VPS41: variants seen among roughly 807,000 people sequenced by gnomAD.
VPS41 encodes VPS41 subunit of HOPS complex, also known as vacuolar protein sorting-associated protein 41 homolog.
Under a neutral mutation model 130.9 loss-of-function variants are expected in VPS41, and 85 were observed. That is an observed-to-expected ratio of 0.65 (90% confidence interval 0.55 to 0.78). VPS41 has a LOEUF of 0.78. VPS41 is among the 30% of genes least tolerant of loss of function. The pLI, the probability that VPS41 is intolerant of heterozygous loss-of-function variation, is 0.00. For missense variants in VPS41, 874 were observed against 1,018.7 expected (o/e 0.86, Z 1.93); for synonymous variants, 335 against 332.9 (o/e 1.01, Z -0.07).
chr7:38,881,091 TTAG>T (rs1208793951), intron 2 of VPS41, among the ~76,000 whole-genome samples: 2 of 152,168 alleles, frequency 1.3e-5, no homozygotes, highest in African/African-American at 4.8e-5. Flanking sequence ...TGTGACAAAC[TTAG>T]TAGTATGAAG....
chr7:38,898,820 A>G (rs1340102548), intron 1 of VPS41, among the ~76,000 whole-genome samples: 1 of 152,248 alleles, frequency 6.6e-6, no homozygotes, highest in Non-Finnish European at 1.5e-5. Context: ...GATGCCATGC[A>G]TCCTCAAAGA....
intron 4 of VPS41, among the ~76,000 whole-genome samples, chr7:38,855,083 C>T (rs1269247804): frequency 2.0e-5 from 3 of 151,836 alleles, no homozygotes; most frequent in Non-Finnish European, 4.4e-5. Context: ...GTGGCACATG[C>T]CTGTAGTCCC....
chr7:38,780,707 C>T (rs1784340587), intron 10 of VPS41, among the ~76,000 whole-genome samples: 2 of 152,144 alleles, frequency 1.3e-5, no homozygotes, highest in South Asian at 2.1e-4. Flanking sequence ...CCAGTAGCCA[C>T]GTGCTATAGC....
At chr7:38,745,676 A>G in intron 22 of VPS41, 63 bp from the exon 23 acceptor site, 1 of 1,276,740 alleles carries the variant, frequency 7.8e-7, no homozygotes, top group South Asian at 1.3e-5. Context: ...ACAGTAATAA[A>G]GTCATTTAAA....
At chr7:38,743,259 T>C (rs1795919784) in intron 24 of VPS41, 143 bp downstream of exon 24, 3 of 873,634 alleles carry the variant, frequency 3.4e-6, no homozygotes, top group South Asian at 1.8e-5. Context: ...TTGGAAATCA[T>C]TACAACACAC....
chr7:38,798,197 C>A (rs1447178404), intron 7 of VPS41, among the ~76,000 whole-genome samples: 1 of 152,142 alleles, frequency 6.6e-6, no homozygotes, highest in African/African-American at 2.4e-5. Context: ...AGAACAGACC[C>A]CAGAAATGTA....
chr7:38,898,055 G>A, intron 2 of VPS41, 36 bp downstream of exon 2: 1 of 1,602,674 alleles, frequency 6.2e-7, no homozygotes, highest in Non-Finnish European at 8.5e-7. Context: ...AACGTGGTGA[G>A]CTACAAATCC....
At chr7:38,906,353 G>GT (rs1318757434) in intron 1 of VPS41, among the ~76,000 whole-genome samples, 1,630 of 147,676 alleles carry the variant, frequency 0.011, 6 homozygotes, top group Non-Finnish European at 0.015. Flanking sequence ...TTTGTTTTTC[G>GT]TTTTTTTTTT....
intron 4 of VPS41, among the ~76,000 whole-genome samples, chr7:38,855,134 T>C (rs778846380): frequency 7.3e-6 from 1 of 136,332 alleles, no homozygotes; most frequent in Non-Finnish European, 1.5e-5. Context: ...CACTTGAACC[T>C]GGGCGGCGGA....
intron 7 of VPS41, among the ~76,000 whole-genome samples, chr7:38,807,191 C>T (rs1171337880): frequency 1.3e-5 from 2 of 152,170 alleles, no homozygotes; most frequent in African/African-American, 4.8e-5. Context: ...ATGCCTTAAA[C>T]CTCCCCAAAA....
chr7:38,767,457 C>A, intron 15 of VPS41, 80 bp downstream of exon 15: 1 of 914,792 alleles, frequency 1.1e-6, no homozygotes, highest in South Asian at 1.9e-5. Context: ...ATGTCAACTG[C>A]AAAGAATGGC....
intron 2 of VPS41, among the ~76,000 whole-genome samples, chr7:38,873,740 A>AT (rs1786426034): frequency 6.6e-6 from 1 of 152,178 alleles, no homozygotes; most frequent in South Asian, 2.1e-4. Flanking sequence ...ACTCACATAG[A>AT]TTTTTACTAA....
At chr7:38,743,918 C>G (rs887184610) in intron 23 of VPS41, among the ~76,000 whole-genome samples, 2 of 152,222 alleles carry the variant, frequency 1.3e-5, no homozygotes, top group Non-Finnish European at 2.9e-5. Context: ...CTGTCATACT[C>G]TGACTTACTT....
chr7:38,772,710 T>C (rs975495867), intron 12 of VPS41, 73 bp from the exon 13 acceptor site: 5 of 1,023,360 alleles, frequency 4.9e-6, no homozygotes, highest in Non-Finnish European at 7.5e-6. Context: ...TCAGAGGACC[T>C]GGTTAGGTTA....
At chr7:38,885,509 G>A (rs1208881328) in intron 2 of VPS41, among the ~76,000 whole-genome samples, 1 of 152,078 alleles carries the variant, frequency 6.6e-6, no homozygotes, top group African/African-American at 2.4e-5. Flanking sequence ...ATTCTACTCA[G>A]AAATAAATGT....
chr7:38,889,560 A>T (rs1261587630), intron 2 of VPS41, among the ~76,000 whole-genome samples: 5 of 75,400 alleles, frequency 6.6e-5, no homozygotes, highest in Non-Finnish European at 1.9e-4. Flanking sequence ...AAAACAAAAC[A>T]AAAAAAAAAA....
intron 6 of VPS41, among the ~76,000 whole-genome samples, chr7:38,819,199 T>C (rs540907848): frequency 6.6e-6 from 1 of 152,210 alleles, no homozygotes; most frequent in Non-Finnish European, 1.5e-5. Context: ...CAAGTGCTCC[T>C]CCTTCACTGT....
Position 38,795,569 on chromosome 7 carries a change from T to G in VPS41, c.613A>C (p.Asn205His). ...AGACTTATATCATCCCGGGGCACAT[T>G]GGTGATTCTTTGCTTTGAGATGATG... The part of the protein sequence containing the change: ...FDIISKQRIT[N>H]VPRDDISLRP... Residue 205 changes from asparagine to histidine, a missense_variant, in exon 9 of 29, where the codon AAT becomes CAT. Physicochemically the swap from Asn to His is moderately conservative, Grantham distance 68. Transcript: ENST00000310301. 1.9e-6 allele frequency: 3 copies of G among 1,612,864 alleles called. No individual in the cohort carries two copies. The highest frequency in any genetic ancestry group is 2.5e-6 in the Non-Finnish European group (3 of 1,179,244).
At chr7:38,737,990 T>G (rs1193973890) in intron 25 of VPS41, among the ~76,000 whole-genome samples, 1 of 152,192 alleles carries the variant, frequency 6.6e-6, no homozygotes, top group Non-Finnish European at 1.5e-5. Context: ...ATCTAGCCCC[T>G]GCTCCCTTTT....
Sources: gnomAD v4.1 joint callset for allele counts (sites outside exome capture counted in the v4.1 genomes callset) on GRCh38, gnomAD v4.1.1 for gene constraint, MANE v1.5 for transcripts, NCBI Gene and HGNC (gene_info 2026-07-23, HGNC 2026-07-21) for gene names.